MSRA: variants seen among roughly 807,000 people sequenced by gnomAD.
MSRA encodes methionine sulfoxide reductase A, also known as mitochondrial peptide methionine sulfoxide reductase.
A neutral mutation model predicts 31.3 loss-of-function variants in MSRA; 54 were observed. The observed-to-expected ratio is 1.73, with a 90% CI of 1.39 to 2.17. The LOEUF (loss-of-function observed/expected upper bound fraction) is 2.17, where lower values mean the gene tolerates loss of function less well. Among genes scored for constraint, MSRA ranks in the 30% most tolerant of loss-of-function variants. The pLI is 0.00. For synonymous variants in MSRA, 169 were observed against 116.5 expected (o/e 1.45, Z -2.90); for missense variants, 507 against 300.9 (o/e 1.69, Z -5.07).
At chr8:10,246,962 C>G (rs756500204) in intron 3 of MSRA, among the ~76,000 whole-genome samples, 5 of 152,074 alleles carry the variant, frequency 3.3e-5, no homozygotes, top group Non-Finnish European at 7.4e-5. Context: ...TAATTCCAGA[C>G]GTGACTTAAT....
chr8:10,315,826 A>G (rs1394100718), intron 4 of MSRA, among the ~76,000 whole-genome samples: 1 of 152,246 alleles, frequency 6.6e-6, no homozygotes, highest in East Asian at 1.9e-4. Flanking sequence ...ATAAACAGAC[A>G]TGGAGTCCCA....
At chr8:10,177,245 G>A (rs1300674770) in intron 1 of MSRA, among the ~76,000 whole-genome samples, 2 of 152,206 alleles carry the variant, frequency 1.3e-5, no homozygotes, top group Admixed American at 6.5e-5. Flanking sequence ...GACAGGTGGT[G>A]CTGATTCATT....
At chr8:10,310,474 A>G (rs1361979403) in intron 4 of MSRA, among the ~76,000 whole-genome samples, 1 of 152,182 alleles carries the variant, frequency 6.6e-6, no homozygotes, top group Non-Finnish European at 1.5e-5. Flanking sequence ...GTCATATAAT[A>G]CTATAAAGCT....
intron 2 of MSRA, among the ~76,000 whole-genome samples, chr8:10,228,101 G>A (rs1167112615): frequency 2.0e-5 from 3 of 152,072 alleles, no homozygotes; most frequent in Non-Finnish European, 2.9e-5. Flanking sequence ...ATGTGTGTCC[G>A]TGGCCAGGGT....
chr8:10,127,927 G>A (rs903720559), intron 1 of MSRA, among the ~76,000 whole-genome samples: 4 of 151,944 alleles, frequency 2.6e-5, no homozygotes, highest in Non-Finnish European at 4.4e-5. Context: ...CTTTGTGTAC[G>A]TGAATGTGCC....
chr8:10,237,855 A>G (rs996612287), intron 2 of MSRA, among the ~76,000 whole-genome samples: 2 of 152,178 alleles, frequency 1.3e-5, no homozygotes, highest in African/African-American at 4.8e-5. Flanking sequence ...CTAAACCACC[A>G]TTATCTCTCA....
intron 3 of MSRA, among the ~76,000 whole-genome samples, chr8:10,257,132 G>A (rs553881427): frequency 1.3e-5 from 2 of 152,288 alleles, no homozygotes; most frequent in East Asian, 3.9e-4. Context: ...GACAAACAAG[G>A]ATTTTTTAGG....
intron 1 of MSRA, among the ~76,000 whole-genome samples, chr8:10,069,667 G>C (rs1415487494): frequency 6.6e-6 from 1 of 152,102 alleles, no homozygotes; most frequent in Admixed American, 6.5e-5. Flanking sequence ...CTTTATAAGG[G>C]CTTTATTCTC....
At chr8:10,309,914 A>G (rs1030339779) in intron 4 of MSRA, among the ~76,000 whole-genome samples, 1 of 152,226 alleles carries the variant, frequency 6.6e-6, no homozygotes, top group African/African-American at 2.4e-5. Context: ...GCCTCTTTCC[A>G]GGTGCACTGT....
At chr8:10,267,979 A>G (rs934266922) in intron 3 of MSRA, among the ~76,000 whole-genome samples, 6 of 152,110 alleles carry the variant, frequency 3.9e-5, no homozygotes, top group Non-Finnish European at 7.3e-5. Flanking sequence ...TTCCCCTTGC[A>G]TATTTCCCTC....
chr8:10,171,969 C>T (rs146296201), intron 1 of MSRA, among the ~76,000 whole-genome samples: 1 of 152,162 alleles, frequency 6.6e-6, no homozygotes, highest in Admixed American at 6.5e-5. Context: ...GTAATGGAAC[C>T]AGAGGAACTT....
At chr8:10,166,067 C>T (rs17151228) in intron 1 of MSRA, among the ~76,000 whole-genome samples, 2,835 of 152,138 alleles carry the variant, frequency 0.019, 88 homozygotes, top group African/African-American at 0.064. Context: ...CTCAAGGCAG[C>T]GAATGAAACC....
At chr8:10,113,400 T>G (rs1183773156) in intron 1 of MSRA, among the ~76,000 whole-genome samples, 1 of 145,988 alleles carries the variant, frequency 6.8e-6, no homozygotes, top group East Asian at 2.1e-4. Context: ...CAGACTGGGA[T>G]AAAGGGCACA....
chr8:10,226,841 G>A (rs1001014853), intron 2 of MSRA, among the ~76,000 whole-genome samples: 2 of 152,152 alleles, frequency 1.3e-5, no homozygotes, highest in Admixed American at 1.3e-4. Flanking sequence ...CCTGATCTCA[G>A]CCTTGCTCTC....
intron 2 of MSRA, among the ~76,000 whole-genome samples, chr8:10,237,003 C>G (rs1016717811): frequency 1.3e-5 from 2 of 152,212 alleles, no homozygotes; most frequent in Non-Finnish European, 2.9e-5. Flanking sequence ...AACTAACCCT[C>G]TAGCTGATAG....
chr8:10,165,986 C>G (rs1346418706), intron 1 of MSRA, among the ~76,000 whole-genome samples: 1 of 152,154 alleles, frequency 6.6e-6, no homozygotes, highest in Admixed American at 6.5e-5. Flanking sequence ...GCAGTGATTC[C>G]AGAGTCTGGG....
At chr8:10,164,912 C>T (rs1490894492) in intron 1 of MSRA, among the ~76,000 whole-genome samples, 1 of 152,140 alleles carries the variant, frequency 6.6e-6, no homozygotes, top group East Asian at 1.9e-4. Flanking sequence ...CCTGTATTCC[C>T]AGCTACTCAG....
intron 5 of MSRA, among the ~76,000 whole-genome samples, chr8:10,359,710 C>T (rs887533959): frequency 6.6e-6 from 1 of 151,908 alleles, no homozygotes; most frequent in African/African-American, 2.4e-5. Flanking sequence ...AGGATGGTCT[C>T]AGATGGAGGA....
At chr8:10,321,032 A>C (rs1199805152) in intron 5 of MSRA, among the ~76,000 whole-genome samples, 1 of 152,194 alleles carries the variant, frequency 6.6e-6, no homozygotes, top group Non-Finnish European at 1.5e-5. Flanking sequence ...AACCCATAAC[A>C]CTTTCTCATA....
Sources: gnomAD v4.1 joint callset for allele counts (sites outside exome capture counted in the v4.1 genomes callset) on GRCh38, gnomAD v4.1.1 for gene constraint, MANE v1.5 for transcripts, NCBI Gene and HGNC (gene_info 2026-07-23, HGNC 2026-07-21) for gene names.